AP1S3: variants seen among roughly 807,000 people sequenced by gnomAD.
AP1S3 encodes the protein AP-1 complex subunit sigma-3.
In AP1S3, 10 loss-of-function variants were observed where a neutral mutation model predicts 20.9. That is an observed-to-expected ratio of 0.48 (90% CI 0.29 to 0.81). The LOEUF (loss-of-function observed/expected upper bound fraction) is 0.81. AP1S3 is among the 30% of genes least tolerant of loss of function. The probability of loss-of-function intolerance (pLI) is 0.08; values close to 1 mark genes in which losing one functional copy is unlikely to be tolerated. For synonymous variants in AP1S3, 41 were observed against 61.5 expected (o/e 0.67, Z 1.56); for missense variants, 154 against 183.8 (o/e 0.84, Z 0.94).
intron 1 of AP1S3, among the ~76,000 whole-genome samples, chr2:223,809,264 G>T (rs1022228211): frequency 6.6e-6 from 1 of 152,238 alleles, no homozygotes; most frequent in South Asian, 2.1e-4. Flanking sequence ...GGACCACAGG[G>T]TCTTTGCACC....
intron 3 of AP1S3, among the ~76,000 whole-genome samples, chr2:223,766,403 C>T (rs1192265079): frequency 6.6e-6 from 1 of 152,140 alleles, no homozygotes; most frequent in Admixed American, 6.5e-5. Context: ...ATGATACTTT[C>T]TTTTGCTGTG....
intron 4 of AP1S3, 41 bp from the exon 5 acceptor site, chr2:223,758,791 T>A (rs1445730666): frequency 1.9e-6 from 3 of 1,551,272 alleles, no homozygotes; most frequent in Non-Finnish European, 2.7e-6. Flanking sequence ...TCCCTTTAAG[T>A]CACAGCCTTC....
intron 1 of AP1S3, among the ~76,000 whole-genome samples, chr2:223,819,003 A>G (rs909294092): frequency 5.3e-5 from 8 of 152,242 alleles, no homozygotes; most frequent in African/African-American, 1.9e-4. Context: ...TTGTAGGGCT[A>G]ATTACCTAAT....
At chr2:223,829,398 G>A (rs548262665) in intron 1 of AP1S3, among the ~76,000 whole-genome samples, 72 of 152,180 alleles carry the variant, frequency 4.7e-4, no homozygotes, top group Non-Finnish European at 2.5e-4. Context: ...AGACCAAGGC[G>A]GGAGGATCAC....
At chr2:223,770,863 G>T (rs1027701721) in intron 3 of AP1S3, among the ~76,000 whole-genome samples, 1 of 151,410 alleles carries the variant, frequency 6.6e-6, no homozygotes, top group South Asian at 2.1e-4. Flanking sequence ...AAGTAGCTGC[G>T]ATTACAGGCA....
intron 1 of AP1S3, among the ~76,000 whole-genome samples, chr2:223,792,432 T>G (rs1220398509): frequency 6.6e-6 from 1 of 151,910 alleles, no homozygotes; most frequent in African/African-American, 2.4e-5. Flanking sequence ...AATAAGCAAT[T>G]TTTTGCTTAT....
chr2:223,764,472 T>C (rs942817587), intron 4 of AP1S3, among the ~76,000 whole-genome samples: 7 of 152,202 alleles, frequency 4.6e-5, no homozygotes, highest in Admixed American at 3.3e-4. Context: ...GGAGGTATGA[T>C]GCAAATCTGT....
At chr2:223,785,111 C>T (rs557485103) in intron 1 of AP1S3, among the ~76,000 whole-genome samples, 22 of 152,164 alleles carry the variant, frequency 1.4e-4, no homozygotes, top group South Asian at 1.2e-3. Context: ...GAGGCCGAGG[C>T]GGGCAGATCA....
chr2:223,796,035 C>T (rs1396135317), intron 1 of AP1S3, among the ~76,000 whole-genome samples: 7 of 152,086 alleles, frequency 4.6e-5, no homozygotes, highest in South Asian at 2.1e-4. Context: ...TAGCCAGACG[C>T]GGTGGCAGGC....
chr2:223,761,061 C>T (rs947660592), intron 4 of AP1S3, among the ~76,000 whole-genome samples: 1 of 152,134 alleles, frequency 6.6e-6, no homozygotes, highest in African/African-American at 2.4e-5. Flanking sequence ...CTGTCTGAGC[C>T]GAGCCAGGCT....
chr2:223,779,870 G>A (rs190752080), intron 1 of AP1S3, among the ~76,000 whole-genome samples: 2 of 152,210 alleles, frequency 1.3e-5, no homozygotes, highest in East Asian at 3.9e-4. Flanking sequence ...AGGAGGCTGA[G>A]GCAGGAGAAT....
chr2:223,837,008 G>A (rs962409346), intron 1 of AP1S3, among the ~76,000 whole-genome samples: 1 of 152,076 alleles, frequency 6.6e-6, no homozygotes, highest in Admixed American at 6.6e-5. Flanking sequence ...CCACCCGGTT[G>A]TATTTGAGAC....
chr2:223,834,054 A>G (rs1692341910), intron 1 of AP1S3, among the ~76,000 whole-genome samples: 1 of 152,086 alleles, frequency 6.6e-6, no homozygotes, highest in Non-Finnish European at 1.5e-5. Flanking sequence ...GATTATAGGC[A>G]TGCGCCACCA....
intron 1 of AP1S3, among the ~76,000 whole-genome samples, chr2:223,810,648 C>T (rs1361369926): frequency 6.6e-6 from 1 of 152,100 alleles, no homozygotes; most frequent in Non-Finnish European, 1.5e-5. Flanking sequence ...CTTCAGTTTG[C>T]ACCTGGCCCA....
chr2:223,758,868 G>C, intron 4 of AP1S3, 118 bp from the exon 5 acceptor site: 1 of 808,184 alleles, frequency 1.2e-6, no homozygotes, highest in Non-Finnish European at 1.9e-6. Context: ...TTGTCAAAAG[G>C]ATACATGGAT....
In AP1S3 at chr2:223,826,455, T is replaced by TAA. The variant is rs1337592167; in HGVS notation, c.3+10992_3+10993insTT. 2.6e-5 allele frequency among the ~76,000 whole-genome samples: 4 copies of TAA among 152,040 alleles called. 1 individual carries two copies. In the South Asian group the frequency reaches 6.2e-4, roughly 24 times the overall value. ...TAAAAATACAAAAATTAGCTGAGCATAGTGGTGTGCGCCCGTAATCCCAGC... is the reference window on the plus strand; with the variant it reads ...TAAAAATACAAAAATTAGCTGAGCATAAAGTGGTGTGCGCCCGTAATCCCAGC... On this transcript the variant is annotated intron_variant, in intron 1 of 4. Transcript: ENST00000396654.
At chr2:223,814,293 T>C (rs917518723) in intron 1 of AP1S3, among the ~76,000 whole-genome samples, 1 of 152,122 alleles carries the variant, frequency 6.6e-6, no homozygotes, top group African/African-American at 2.4e-5. Flanking sequence ...TATCTCACAC[T>C]CTGTTCTTTG....
chr2:223,822,466 C>T (rs1185666280), intron 1 of AP1S3, among the ~76,000 whole-genome samples: 1 of 151,978 alleles, frequency 6.6e-6, no homozygotes, highest in East Asian at 1.9e-4. Flanking sequence ...GGGTGGATCA[C>T]CTGAGGTCAG....
chr2:223,779,510 A>G (rs1251585176), intron 1 of AP1S3, among the ~76,000 whole-genome samples: 1 of 152,216 alleles, frequency 6.6e-6, no homozygotes, highest in African/African-American at 2.4e-5. Flanking sequence ...AGTTTTCTCA[A>G]TCCACGGTAT....
Sources: gnomAD v4.1 joint callset for allele counts (sites outside exome capture counted in the v4.1 genomes callset) on GRCh38, gnomAD v4.1.1 for gene constraint, MANE v1.5 for transcripts, NCBI Gene and HGNC (gene_info 2026-07-23, HGNC 2026-07-21) for gene names.